NFRKB: variants seen among roughly 807,000 people sequenced by gnomAD.
The protein encoded by NFRKB is nuclear factor related to kappaB binding protein.
A neutral mutation model predicts 135.7 loss-of-function variants in NFRKB; 62 were observed. That is an observed-to-expected ratio of 0.46 (90% CI 0.37 to 0.56). NFRKB has a LOEUF of 0.56. Among genes scored for constraint, NFRKB ranks in the 20% least tolerant of loss-of-function variants. The pLI is 0.00. For missense variants in NFRKB, 1,545 were observed against 1,662.0 expected (o/e 0.93, Z 1.22); for synonymous variants, 678 against 635.6 (o/e 1.07, Z -1.00).
intron 12 of NFRKB, 106 bp from the exon 13 acceptor site, chr11:129,881,614 C>A (rs1949031142): frequency 6.3e-7 from 1 of 1,587,150 alleles, no homozygotes; most frequent in Admixed American, 1.8e-5. Context: ...ACCTTCAAGG[C>A]ATAGCATTAT....
chr11:129,867,868 G>C (rs914791677), intron 24 of NFRKB, among the ~76,000 whole-genome samples: 5 of 152,180 alleles, frequency 3.3e-5, no homozygotes, highest in Non-Finnish European at 7.3e-5. Flanking sequence ...GGGATATGGG[G>C]ATTTGGTTTA....
In NFRKB at chr11:129,870,143, G is replaced by T; in HGVS notation, c.2882C>A (p.Thr961Asn). ...DVLRLPPSSI[T>N]TDAKGQTVLR... Reference sequence around the variant, plus strand: ...AACCGTCTGGCCCTTGGCATCTGTGGTGATGGAAGAGGGCGGCAGACGCAA... The same window carrying T: ...AACCGTCTGGCCCTTGGCATCTGTGTTGATGGAAGAGGGCGGCAGACGCAA... Residue 961 changes from threonine to asparagine, a missense_variant, in exon 24 of 27, where the codon ACC (threonine) becomes AAC (asparagine). By Grantham distance (65) the Thr-to-Asn change is moderately conservative. Coordinates refer to ENST00000682444, the MANE Select transcript of NFRKB (RefSeq NM_001143835.2). The T allele has an allele frequency of 6.2e-7, 1 of 1,614,272 alleles. No homozygotes were observed. The highest frequency in any genetic ancestry group is 8.5e-7 in the Non-Finnish European group (1 of 1,180,048).
Position 129,877,403 on chromosome 11 carries a change from C to T in NFRKB, c.1512-18G>A, listed in dbSNP as rs920790696. On this transcript the variant is annotated intron_variant, in intron 15 of 26. Transcript: ENST00000682444. Reference sequence around the variant, plus strand: ...CAGTTCTTCTGGAATATAAAGAATTCTGTATCAACCCTGACAGCTGGCACG... The same window carrying T: ...CAGTTCTTCTGGAATATAAAGAATTTTGTATCAACCCTGACAGCTGGCACG... 9 of 1,613,508 alleles carry T rather than the reference C, an allele frequency of 5.6e-6. No individual in the cohort carries two copies. Among genetic ancestry groups the T allele is most frequent in the Non-Finnish European group, 7.6e-6 (9 of 1,179,458 alleles).
chr11:129,882,461 T>C lies in NFRKB; in HGVS notation c.1072A>G (p.Ile358Val), dbSNP rs1185501874. 5 of 1,612,950 alleles carry C rather than the reference T, an allele frequency of 3.1e-6. No individual in the cohort carries two copies. The Middle Eastern group carries it at 5.0e-4, about 161-fold the overall frequency. The change falls in exon 10 of 27, where the codon ATC becomes GTC. Residue 358 changes from isoleucine (I) to valine (V), a missense_variant. Transcript: ENST00000682444. ...CTGTTGCTCACTTACTCTTCCTTGA[T>C]AGCAGGAATTGCCAGCGGAGAGGGG... is the stretch of plus-strand genomic sequence containing the variant. Reference protein sequence around the residue: ...QAPSPLAIPAIKEEPLEDLKP... With the variant: ...QAPSPLAIPAVKEEPLEDLKP...
At chr11:129,867,713 C>T (rs1259637913) in intron 24 of NFRKB, among the ~76,000 whole-genome samples, 1 of 152,200 alleles carries the variant, frequency 6.6e-6, no homozygotes, top group Non-Finnish European at 1.5e-5. Context: ...TGGCTTTTAT[C>T]CCAATTTATG....
rs1948424898 is a variant in NFRKB at position 129,870,058 on chromosome 11, T to A, written c.2967A>T (p.Lys989Asn). The change falls in exon 24 of 27, where the codon AAA becomes AAT. Residue 989 changes from lysine (K) to asparagine (N), a missense_variant. Lys to Asn is a moderately conservative substitution (Grantham distance 94). This residue lies in a region of NFRKB where 753 missense variants were observed against 804.3 expected (regional missense o/e 0.94). Coordinates refer to ENST00000682444, the MANE Select transcript of NFRKB (RefSeq NM_001143835.2). ...TLAKSQVTTVKLTQDLFGTGG... is the reference protein window; with the variant it reads ...TLAKSQVTTVNLTQDLFGTGG... Reference sequence around the variant, plus strand: ...CTGTCCCGAAGAGGTCCTGGGTCAATTTGACTGTGGTAACCTGGGACTTGG... The same window carrying A: ...CTGTCCCGAAGAGGTCCTGGGTCAAATTGACTGTGGTAACCTGGGACTTGG... 1 of 1,614,126 alleles carries A rather than the reference T, an allele frequency of 6.2e-7. No homozygotes were observed. The highest frequency in any genetic ancestry group is 1.3e-5 in the African/African-American group (1 of 74,932).
intron 24 of NFRKB, among the ~76,000 whole-genome samples, chr11:129,867,389 G>C (rs1197215600): frequency 6.9e-6 from 1 of 144,204 alleles, no homozygotes; most frequent in East Asian, 2.0e-4. Context: ...GCAATGGCAC[G>C]ATCTTGGCTC....
In NFRKB at chr11:129,882,533, C is replaced by T; in HGVS notation, c.1000G>A (p.Ala334Thr). The T allele has an allele frequency of 1.2e-6, 2 of 1,614,066 alleles. No individual in the cohort carries two copies. Among genetic ancestry groups the T allele is most frequent in the South Asian group, 2.2e-5 (2 of 91,070 alleles). The change falls in exon 10 of 27, where the codon GCC becomes ACC. Residue 334 changes from alanine (A) to threonine (T), a missense_variant. This residue lies in a region of NFRKB where 678 missense variants were observed against 646.7 expected (regional missense o/e 1.05). Coordinates refer to ENST00000682444, the MANE Select transcript of NFRKB (RefSeq NM_001143835.2). ...KTIKSEAEDL[A>T]EPLSSTEGVA... is the part of the protein sequence containing the mutation. ...CCTTCAGTACTGCTTAGCGGCTCGG[C>T]CAGGTCCTCTGCCTCTGATTTGATC... is the stretch of plus-strand genomic sequence containing the variant.
At chr11:129,866,107 C>G (rs1948179425) in intron 24 of NFRKB, 124 bp from the exon 25 acceptor site, 1 of 754,558 alleles carries the variant, frequency 1.3e-6, no homozygotes, top group Non-Finnish European at 2.1e-6. Context: ...CAGTACCCAC[C>G]AGGGTCTCAA....
At chr11:129,889,336 C>A (rs952309777) in intron 3 of NFRKB, among the ~76,000 whole-genome samples, 1 of 152,050 alleles carries the variant, frequency 6.6e-6, no homozygotes, top group South Asian at 2.1e-4. Context: ...AGTCTTGTAT[C>A]CAACAGTAAA....
rs771565917 is a variant in NFRKB, at chr11:129,874,368, C to T, written c.2059-35G>A. On this transcript the variant is annotated intron_variant, in intron 20 of 26. Transcript: ENST00000682444. The surrounding 1 kb of genome is among the most constrained non-coding windows in gnomAD (Gnocchi z 4.5). Reference sequence around the variant, plus strand: ...AAGACAAAGAAAACTCACCTGGTGTCGTGAAGATCCCCCTAAAGGAAGGGA... The same window carrying T: ...AAGACAAAGAAAACTCACCTGGTGTTGTGAAGATCCCCCTAAAGGAAGGGA... 15 of 1,519,828 alleles carry T rather than the reference C, an allele frequency of 9.9e-6. No individual in the cohort carries two copies. The highest frequency in any genetic ancestry group is 1.4e-5 in the African/African-American group (1 of 71,604). 94.1% of individuals were successfully genotyped at this position (1,519,828 alleles called of 1,614,324 possible).
chr11:129,875,326 C>A, intron 18 of NFRKB, 31 bp downstream of exon 18: 1 of 1,538,356 alleles, frequency 6.5e-7, no homozygotes, highest in Non-Finnish European at 8.9e-7. Flanking sequence ...CATTCTGGAA[C>A]AAAGCAAAAG....
chr11:129,869,572 G>C lies in NFRKB; in HGVS notation c.3453C>G (p.Thr1151=), dbSNP rs1948390883. The C allele has an allele frequency of 1.2e-6, 2 of 1,614,018 alleles. No individual in the cohort carries two copies. The highest frequency in any genetic ancestry group is 1.7e-6 in the Non-Finnish European group (2 of 1,180,046). Residue 1151 remains threonine, a synonymous_variant, in exon 24 of 27, where the codon ACC becomes ACG. Coordinates refer to ENST00000682444, the MANE Select transcript of NFRKB (RefSeq NM_001143835.2). ...GGGCTCCTGTGCTGATGCTGATGGGGGTGCTTGCAGCCCCAGAAGCCACAG... is the reference window on the plus strand; with the variant it reads ...GGGCTCCTGTGCTGATGCTGATGGGCGTGCTTGCAGCCCCAGAAGCCACAG... ...TVAVASGAAS[T]PISISTGAPT...
chr11:129,878,204 A>C, intron 15 of NFRKB, 105 bp downstream of exon 15: 2 of 1,219,580 alleles, frequency 1.6e-6, no homozygotes, highest in Non-Finnish European at 2.4e-6. Context: ...CAGAGCTCTG[A>C]AGCCCATTAC....
At chr11:129,892,563 T>TA (rs1256200480) in intron 3 of NFRKB, 152 bp downstream of exon 3, 51 of 731,334 alleles carry the variant, frequency 7.0e-5, no homozygotes, top group South Asian at 2.0e-4. Flanking sequence ...ACTCTAAACT[T>TA]AAAAAAAAGA....
chr11:129,865,123 G>A, intron 25 of NFRKB, 22 bp from the exon 26 acceptor site: 2 of 1,597,556 alleles, frequency 1.3e-6, no homozygotes, highest in Non-Finnish European at 8.6e-7. Flanking sequence ...AAGCAGGGGT[G>A]AGATATAATG....
intron 17 of NFRKB, 104 bp downstream of exon 17, chr11:129,876,617 C>G: frequency 7.7e-7 from 1 of 1,306,918 alleles, no homozygotes; most frequent in South Asian, 1.6e-5. Flanking sequence ...TTCTCAAAGC[C>G]TACCCTGGGT....
At chr11:129,866,762 A>G (rs1038221981) in intron 24 of NFRKB, among the ~76,000 whole-genome samples, 1 of 152,172 alleles carries the variant, frequency 6.6e-6, no homozygotes, top group African/African-American at 2.4e-5. Context: ...CTATGCAGTG[A>G]AATCTTATGT....
At chr11:129,877,491 C>A in intron 15 of NFRKB, 106 bp from the exon 16 acceptor site, 1 of 1,034,372 alleles carries the variant, frequency 9.7e-7, no homozygotes, top group Admixed American at 1.8e-5. Context: ...AGATGTCCCT[C>A]AAGAAGCACT....
Sources: allele counts gnomAD v4.1 joint callset (sites outside exome capture counted in the v4.1 genomes callset), GRCh38; gene constraint gnomAD v4.1.1; regional missense constraint gnomAD v4.1.1; non-coding constraint Gnocchi (gnomAD v3.1); transcripts MANE v1.5; gene names NCBI Gene and HGNC (gene_info 2026-07-23, HGNC 2026-07-21).